The following USP31 variants were observed in gnomAD, a reference collection of about 807,000 sequenced individuals.
USP31 encodes ubiquitin carboxyl-terminal hydrolase 31.
A neutral mutation model predicts 119.4 loss-of-function variants in USP31; 44 were observed. The ratio of observed to expected loss-of-function variants is 0.37; its 90% CI spans 0.29 to 0.47. The LOEUF is 0.47. Ranked by LOEUF, USP31 falls within the 20% of genes least tolerant of loss-of-function variation. The probability of loss-of-function intolerance (pLI) is 0.99; values close to 1 mark genes in which losing one functional copy is unlikely to be tolerated. For missense variants in USP31, 1,643 were observed against 1,730.2 expected (o/e 0.95, Z 0.89); for synonymous variants, 749 against 705.6 (o/e 1.06, Z -0.97).
intron 1 of USP31, among the ~76,000 whole-genome samples, chr16:23,125,280 G>A (rs1332099410): frequency 6.6e-6 from 1 of 152,170 alleles, no homozygotes; most frequent in East Asian, 1.9e-4. Flanking sequence ...GCTGCACTAG[G>A]AGTCTCACTA....
chr16:23,070,326 T>C (rs1286528674), intron 15 of USP31, among the ~76,000 whole-genome samples: 3 of 152,216 alleles, frequency 2.0e-5, no homozygotes, highest in Middle Eastern at 3.2e-3. Flanking sequence ...TGGCCTGTCA[T>C]TGTTGACTAC....
intron 2 of USP31, among the ~76,000 whole-genome samples, chr16:23,106,911 G>A (rs919179133): frequency 7.9e-5 from 12 of 152,032 alleles, no homozygotes; most frequent in African/African-American, 1.4e-4. Context: ...TCGGGAGTTC[G>A]AGACCAGCCT....
In USP31 at chr16:23,068,980, C is replaced by T. The variant is rs1182372073; in HGVS notation, c.3125G>A (p.Gly1042Glu). The T allele has an allele frequency of 3.1e-6, 5 of 1,614,146 alleles. No homozygotes were observed. The highest frequency in any genetic ancestry group is 2.5e-6 in the Non-Finnish European group (3 of 1,180,026). The change falls in exon 16 of 16, where the codon GGG becomes GAG. Residue 1042 changes from glycine to glutamate, a missense_variant. Coordinates refer to ENST00000219689, the MANE Select transcript of USP31 (RefSeq NM_020718.4). ...TSEPEKSLRK[G>E]RPALASQESS... is the part of the protein sequence containing the mutation. ...CTCCTGGCTTGCCAAGGCTGGTCTC[C>T]CCTTCCGCAAGCTTTTCTCTGGCTC...
intron 1 of USP31, among the ~76,000 whole-genome samples, chr16:23,135,909 C>T (rs1041936234): frequency 2.0e-5 from 3 of 152,232 alleles, no homozygotes; most frequent in Admixed American, 2.0e-4. Context: ...AGGACTCACA[C>T]TTCCTGATTT....
At chr16:23,097,988 GAA>G (rs1901687192) in intron 6 of USP31, among the ~76,000 whole-genome samples, 1 of 152,214 alleles carries the variant, frequency 6.6e-6, no homozygotes, top group Admixed American at 6.5e-5. Flanking sequence ...TCAGGCAAGA[GAA>G]AGAAATAAAG....
In USP31 at chr16:23,149,130, G is replaced by A. The variant is rs1203301577; in HGVS notation, c.141C>T (p.Ala47=). Residue 47 remains alanine, a synonymous_variant, in exon 1 of 16, where the codon GCC becomes GCT. Coordinates refer to ENST00000219689, the MANE Select transcript of USP31 (RefSeq NM_020718.4). ...AGGGCGAGGAGGGCGAGGAAGGCGC[G>A]GCCGGCCCGGACGCCCCGGGGCCCC... ...GAGGPGASGP[A]APSSPSSPSS... 2.4e-6 allele frequency: 3 copies of A among 1,250,482 alleles called. No individual in the cohort carries two copies. Among genetic ancestry groups the A allele is most frequent in the Non-Finnish European group, 3.1e-6 (3 of 975,496 alleles). 77.5% of individuals were successfully genotyped at this position (1,250,482 alleles called of 1,614,324 possible).
At chr16:23,082,772 G>A (rs147421265) in intron 11 of USP31, among the ~76,000 whole-genome samples, 65 of 151,688 alleles carry the variant, frequency 4.3e-4, no homozygotes, top group African/African-American at 1.5e-3. Flanking sequence ...CCCTCAAAGA[G>A]GAACGACTAA....
At chr16:23,089,023 T>C (rs1480681949) in intron 7 of USP31, among the ~76,000 whole-genome samples, 1 of 152,158 alleles carries the variant, frequency 6.6e-6, no homozygotes, top group African/African-American at 2.4e-5. Flanking sequence ...TGAGGTGAAA[T>C]GAGTTACAAG....
Position 23,069,163 on chromosome 16 carries a change from C to T in USP31, c.2942G>A (p.Gly981Asp), listed in dbSNP as rs770870695. ...AQGDRLPPLS[G>D]PFDNNNQIAY... ...GATCTGATTATTGTTATCAAATGGA[C>T]CAGAGAGCGGGGGCAGGCGGTCCCC... is the stretch of plus-strand genomic sequence containing the variant. The change falls in exon 16 of 16, where the codon GGT (glycine) becomes GAT (aspartate). Residue 981 changes from glycine to aspartate, a missense_variant. Physicochemically the swap from Gly to Asp is moderately conservative, Grantham distance 94 (BLOSUM62 -1). Transcript: ENST00000219689. The T allele has an allele frequency of 6.2e-6, 10 of 1,613,990 alleles. No homozygotes were observed. The highest frequency in any genetic ancestry group is 1.7e-5 in the Admixed American group (1 of 60,004).
chr16:23,079,870 G>T, intron 13 of USP31, 76 bp downstream of exon 13: 2 of 1,383,736 alleles, frequency 1.4e-6, no homozygotes, highest in South Asian at 1.6e-5. Flanking sequence ...AGGCTCTAAA[G>T]TCAAGTCACC....
rs766666203 is a variant in USP31 at position 23,068,382 on chromosome 16, C to A, written c.3723G>T (p.Ser1241=). ...GCAAGGCTGTCTTGCCAAGATCCGTCGAGCGCCGGGTTTCCTTCTGTCTCA... is the reference window on the plus strand; with the variant it reads ...GCAAGGCTGTCTTGCCAAGATCCGTAGAGCGCCGGGTTTCCTTCTGTCTCA... ...SALRQKETRR[S]TDLGKTALLS... is the part of the protein sequence containing the mutation. The change falls in exon 16 of 16, where the codon TCG becomes TCT. Residue 1241 remains serine, a synonymous_variant. Transcript: ENST00000219689. 6.2e-7 allele frequency: 1 copy of A among 1,614,060 alleles called. No homozygotes were observed. Among genetic ancestry groups the A allele is most frequent in the East Asian group, 2.2e-5 (1 of 44,884 alleles).
rs560102614 is a variant in USP31 at position 23,114,510 on chromosome 16, T to A, written c.634-6327A>T. Among the ~76,000 whole-genome samples the A allele has an allele frequency of 4.7e-5, 7 of 147,930 alleles. No homozygotes were observed. In the East Asian group the frequency reaches 1.2e-3, roughly 26 times the overall value. On this transcript the variant is annotated intron_variant, in intron 1 of 15. Transcript: ENST00000219689. ...GACATTCCAAACAAATTAACTGAAATCAAACTCTTCATTGTATTTCAAAGC... is the reference window on the plus strand; with the variant it reads ...GACATTCCAAACAAATTAACTGAAAACAAACTCTTCATTGTATTTCAAAGC...
chr16:23,116,131 AC>A (rs1902477936), intron 1 of USP31, among the ~76,000 whole-genome samples: 1 of 152,178 alleles, frequency 6.6e-6, no homozygotes, highest in Non-Finnish European at 1.5e-5. Context: ...GACTCATCAA[AC>A]CCAATCATTG....
chr16:23,130,410 AC>A (rs10709257), intron 1 of USP31, among the ~76,000 whole-genome samples: 40,700 of 144,144 alleles, frequency 0.28, 5,696 homozygotes, highest in Admixed American at 0.35. Flanking sequence ...ACAAAGTGAC[AC>A]CCCCCCCCCA....
intron 6 of USP31, among the ~76,000 whole-genome samples, chr16:23,101,425 G>T (rs191431882): frequency 6.6e-6 from 1 of 152,254 alleles, no homozygotes; most frequent in East Asian, 1.9e-4. Context: ...CAGTAGGGAG[G>T]TGGAAGTCAA....
At chr16:23,148,015 ATTATCTC>A (rs1903574855) in intron 1 of USP31, among the ~76,000 whole-genome samples, 1 of 152,208 alleles carries the variant, frequency 6.6e-6, no homozygotes, top group Non-Finnish European at 1.5e-5. Context: ...ACTATCTGAT[ATTATCTC>A]GTTAACTTCT....
rs144296626 is a variant in USP31, at chr16:23,091,623, T to C, written c.1235-819A>G. 5.1e-3 allele frequency among the ~76,000 whole-genome samples: 771 copies of C among 152,282 alleles called. 4 individuals are homozygous for C. The highest frequency in any genetic ancestry group is 0.014 in the Middle Eastern group (4 of 294). On this transcript the variant is annotated intron_variant, in intron 6 of 15. Transcript: ENST00000219689. ...AGTATTTATAGCAGAATGCTGGCAA[T>C]AACCTCAATACTCAGCAATCTAAGA...
intron 1 of USP31, among the ~76,000 whole-genome samples, chr16:23,123,643 T>C (rs1335871154): frequency 1.3e-5 from 2 of 150,052 alleles, no homozygotes; most frequent in Non-Finnish European, 2.9e-5. Context: ...CTAACTCAGT[T>C]TAGTTAAGTC....
Position 23,102,355 on chromosome 16 carries a change from C to T in USP31, c.1198G>A (p.Glu400Lys). 1 of 1,613,972 alleles carries T rather than the reference C, an allele frequency of 6.2e-7. No homozygotes were observed. The highest frequency in any genetic ancestry group is 8.5e-7 in the Non-Finnish European group (1 of 1,179,916). The part of the protein sequence containing the change: ...SDCIFAFETP[E>K]IFRPEGILSQ... ...AGAATTCCTTCAGGCCTAAATATTT[C>T]GGGAGTCTCAAAGGCAAAAATGCAG... The change falls in exon 6 of 16, where the codon GAA becomes AAA. Residue 400 changes from glutamate to lysine, a missense_variant. By Grantham distance (56) the Glu-to-Lys change is moderately conservative. Coordinates refer to ENST00000219689, the MANE Select transcript of USP31 (RefSeq NM_020718.4).
Sources: allele counts gnomAD v4.1 joint callset (sites outside exome capture counted in the v4.1 genomes callset), GRCh38; gene constraint gnomAD v4.1.1; transcripts MANE v1.5; gene names NCBI Gene and HGNC (gene_info 2026-07-23, HGNC 2026-07-21).